The following ZNF778 variants were observed in gnomAD, a reference collection of about 807,000 sequenced individuals.
The protein encoded by ZNF778 is zinc finger protein 778.
ZNF778 carries 37 observed loss-of-function variants against 23.9 expected under a neutral mutation model. The ratio of observed to expected loss-of-function variants is 1.54; its 90% confidence interval spans 1.19 to 2.03. ZNF778 has a LOEUF of 2.03. Among genes scored for constraint, ZNF778 ranks in the 30% most tolerant of loss-of-function variants. ZNF778 has a pLI of 0.00. For missense variants in ZNF778, 1,297 were observed against 934.4 expected, an observed-to-expected ratio of 1.39 and a Z score of -5.06; for synonymous variants, 483 against 343.9, an observed-to-expected ratio of 1.40 and a Z score of -4.48.
rs1041887393 is a variant in ZNF778, at chr16:89,224,793, G to A, written c.319G>A (p.Val107Ile). ...EEELRAGRRA[V>I]LQEWRLKTKG... ...GGAGTTGAGGGCAGGGCGGAGAGCA[G>A]TTCTCCAAGGTAAGTGTGAAGAGCA... Residue 107 changes from valine (V) to isoleucine (I), a missense_variant, in exon 5 of 7, where the codon GTT becomes ATT. Coordinates refer to ENST00000433976, the MANE Select transcript of ZNF778 (RefSeq NM_001201407.2). 6 of 1,431,290 alleles carry A rather than the reference G, an allele frequency of 4.2e-6. No homozygotes were observed. The South Asian group carries it at 6.2e-5, about 15-fold the overall frequency. The allele number at this position is 1,431,290 out of a possible 1,614,324, so 88.7% of individuals were successfully genotyped here. A position where few individuals can be genotyped will look rare whatever the true frequency, so the allele number is the denominator to read the frequency against.
Position 89,234,436 on chromosome 16 carries a change from A to G in ZNF778, c.*5874A>G, listed in dbSNP as rs1567517643. The G allele has an allele frequency of 1.0e-5, 2 of 198,408 alleles. No homozygotes were observed. Among genetic ancestry groups the G allele is most frequent in the Admixed American group, 5.3e-5 (1 of 18,832 alleles). 12.3% of individuals were successfully genotyped at this position (198,408 alleles called of 1,614,324 possible). A position where few individuals can be genotyped will look rare whatever the true frequency, so the allele number is the denominator to read the frequency against. ...TCTCTTCATTACTGATAGTATGAAC[A>G]TGGTTTTGCTTACGCTGGCTATTTT... On this transcript the variant is annotated 3_prime_UTR_variant, in exon 7 of 7. Transcript: ENST00000433976.
At position 89,229,036 on chromosome 16, in the gene ZNF778, C is replaced by G. The variant is rs1005603880; in HGVS notation, c.*474C>G. ...CCTTGTGGGCTAACTTGAGACATGT[C>G]TTTCTGGGGGTTCTGTAGACGTATT... On this transcript the variant is annotated 3_prime_UTR_variant, in exon 7 of 7. Transcript: ENST00000433976. The G allele has an allele frequency of 1.0e-6, 1 of 991,460 alleles. No individual in the cohort carries two copies. Among genetic ancestry groups the G allele is most frequent in the Admixed American group, 5.8e-5 (1 of 17,176 alleles). 61.4% of individuals were successfully genotyped at this position (991,460 alleles called of 1,614,324 possible). A position where few individuals can be genotyped will look rare whatever the true frequency, so the allele number is the denominator to read the frequency against.
rs71395401 is a variant in ZNF778 at position 89,236,917 on chromosome 16, A to T, written c.*8355A>T. The T allele has an allele frequency of 0.1, 15,754 of 151,944 alleles. 1,094 individuals carry two copies. Among genetic ancestry groups the T allele is most frequent in the African/African-American group, 0.2 (8,163 of 41,390 alleles). The allele number at this position is 151,944 out of a possible 1,614,324, so 9.4% of individuals were successfully genotyped here. On this transcript the variant is annotated 3_prime_UTR_variant, in exon 7 of 7. Transcript: ENST00000433976. ...TGAAACCCCATCTCTACTAAGAAATACAAAAATTAGCTGTGTGTGGTTGGG... is the reference window on the plus strand; with the variant it reads ...TGAAACCCCATCTCTACTAAGAAATTCAAAAATTAGCTGTGTGTGGTTGGG...
chr16:89,230,969 G>C lies in ZNF778; in HGVS notation c.*2407G>C, dbSNP rs117047118. 1 of 148,758 alleles carries C rather than the reference G, an allele frequency of 6.7e-6. No homozygotes were observed. The highest frequency in any genetic ancestry group is 2.5e-5 in the African/African-American group (1 of 39,388). The allele number at this position is 148,758 out of a possible 1,614,324, so 9.2% of individuals were successfully genotyped here. The stretch of plus-strand genomic sequence containing the variant: ...TTTAAAATTCTGGATGGACAGACCC[G>C]TGCACCTTCCTGTCACATGTTTGAA... On this transcript the variant is annotated 3_prime_UTR_variant, in exon 7 of 7. Coordinates refer to ENST00000433976, the MANE Select transcript of ZNF778 (RefSeq NM_001201407.2).
chr16:89,234,889 C>T lies in ZNF778; in HGVS notation c.*6327C>T, dbSNP rs181244843. On this transcript the variant is annotated 3_prime_UTR_variant, in exon 7 of 7. Coordinates refer to ENST00000433976, the MANE Select transcript of ZNF778 (RefSeq NM_001201407.2). Reference sequence around the variant, plus strand: ...CGAGATCGCGCCACTGCACTCCAGCCTGGCAACAGAGTGAGACTCTGTCTC... The same window carrying T: ...CGAGATCGCGCCACTGCACTCCAGCTTGGCAACAGAGTGAGACTCTGTCTC... The T allele has an allele frequency of 6.6e-6, 1 of 152,126 alleles. No individual in the cohort carries two copies. The highest frequency in any genetic ancestry group is 6.5e-5 in the Admixed American group (1 of 15,274). 9.4% of individuals were successfully genotyped at this position (152,126 alleles called of 1,614,324 possible).
At chr16:89,223,768 T>G (rs935981381) in intron 4 of ZNF778, among the ~76,000 whole-genome samples, 7 of 152,210 alleles carry the variant, frequency 4.6e-5, no homozygotes, top group African/African-American at 1.4e-4. Flanking sequence ...GGATGGAGTA[T>G]TTGCACTTTG....
rs113596014 is a variant in ZNF778 at position 89,223,228 on chromosome 16, G to C, written c.189G>C (p.Gln63His). 1.2e-6 allele frequency: 2 copies of C among 1,614,120 alleles called. No homozygotes were observed. Among genetic ancestry groups the C allele is most frequent in the Non-Finnish European group, 8.5e-7 (1 of 1,180,004 alleles). ...QEEWTLLDPS[Q>H]RDLYRDVMLE... ...AATGGACTTTACTGGACCCATCTCA[G>C]AGAGACCTCTACAGAGATGTGATGC... Residue 63 changes from glutamine (Q) to histidine (H), a missense_variant, in exon 4 of 7, where the codon CAG (glutamine) becomes CAC (histidine). Coordinates refer to ENST00000433976, the MANE Select transcript of ZNF778 (RefSeq NM_001201407.2).
intron 5 of ZNF778, among the ~76,000 whole-genome samples, chr16:89,225,113 T>G (rs1370438171): frequency 4.6e-3 from 4 of 864 alleles, no homozygotes; most frequent in African/African-American, 6.4e-3. Context: ...GTTTGTGGGT[T>G]TTTTTTTTTT....
Position 89,233,597 on chromosome 16 carries a change from C to T in ZNF778, c.*5035C>T, listed in dbSNP as rs1567516328. 2.6e-6 allele frequency: 3 copies of T among 1,136,464 alleles called. No homozygotes were observed. The Admixed American group carries it at 8.0e-5, about 30-fold the overall frequency. The allele number at this position is 1,136,464 out of a possible 1,614,324, so 70.4% of individuals were successfully genotyped here. Reference sequence around the variant, plus strand: ...GCACTGCATATGCAACGCAACTCAACTCATACTGCATATGCAACTCAACTC... The same window carrying T: ...GCACTGCATATGCAACGCAACTCAATTCATACTGCATATGCAACTCAACTC... On this transcript the variant is annotated 3_prime_UTR_variant, in exon 7 of 7. Coordinates refer to ENST00000433976, the MANE Select transcript of ZNF778 (RefSeq NM_001201407.2).
At position 89,228,817 on chromosome 16, in the gene ZNF778, A is replaced by G. The variant is rs547821095; in HGVS notation, c.*255A>G. ...CTATTGATGTGTGATATGCAGCAGC[A>G]TTGTTGCTGTTCTGCTCAGTACTTT... On this transcript the variant is annotated 3_prime_UTR_variant, in exon 7 of 7. Coordinates refer to ENST00000433976, the MANE Select transcript of ZNF778 (RefSeq NM_001201407.2). 38 of 1,224,672 alleles carry G rather than the reference A, an allele frequency of 3.1e-5. No individual in the cohort carries two copies. The African/African-American group carries it at 5.1e-4, about 16-fold the overall frequency. The allele number at this position is 1,224,672 out of a possible 1,614,324, so 75.9% of individuals were successfully genotyped here. A position where few individuals can be genotyped will look rare whatever the true frequency, so the allele number is the denominator to read the frequency against.
In ZNF778 at chr16:89,227,968, C is replaced by A; in HGVS notation, c.1680C>A (p.Pro560=). ...TGAAAACTCACACAGAGGAGAAGCC[C>A]TTTATATGTACGGTATGCAGGAAAT... ...EHVKTHTEEK[P]FICTVCRKSF... Residue 560 remains proline (P), a synonymous_variant, in exon 7 of 7, where the codon CCC becomes CCA. Coordinates refer to ENST00000433976, the MANE Select transcript of ZNF778 (RefSeq NM_001201407.2). 6.3e-7 allele frequency: 1 copy of A among 1,589,862 alleles called. No individual in the cohort carries two copies. The highest frequency in any genetic ancestry group is 1.1e-5 in the South Asian group (1 of 88,166).
In ZNF778 at chr16:89,223,486, A is replaced by G. The variant is rs142961794; in HGVS notation, c.244+203A>G. Among the ~76,000 whole-genome samples, 50 of 152,306 alleles carry G rather than the reference A, an allele frequency of 3.3e-4. No homozygotes were observed. In the East Asian group the frequency reaches 6.6e-3, roughly 20 times the overall value. ...GCATCACCGTCACTCCTCTAGAAAC[A>G]TGCATTCTGAGGCTTCAGCTGGGAC... is the stretch of plus-strand genomic sequence containing the variant. On this transcript the variant is annotated intron_variant, in intron 4 of 6. Coordinates refer to ENST00000433976, the MANE Select transcript of ZNF778 (RefSeq NM_001201407.2).
At position 89,229,001 on chromosome 16, in the gene ZNF778, T is replaced by C; in HGVS notation, c.*439T>C. 1.0e-6 allele frequency: 1 copy of C among 994,966 alleles called. No individual in the cohort carries two copies. 61.6% of individuals were successfully genotyped at this position (994,966 alleles called of 1,614,324 possible). ...ATGGAAGATAGCAGTCGCTTCCCTG[T>C]GTTCTAAAACCTTGTGGGCTAACTT... is the stretch of plus-strand genomic sequence containing the variant. On this transcript the variant is annotated 3_prime_UTR_variant, in exon 7 of 7. Transcript: ENST00000433976.
chr16:89,223,904 G>T (rs1379414979), intron 4 of ZNF778, among the ~76,000 whole-genome samples: 2 of 152,130 alleles, frequency 1.3e-5, no homozygotes, highest in African/African-American at 4.8e-5. Context: ...TCCTGGCCGG[G>T]CGCGGTGGCT....
chr16:89,227,083 C>A lies in ZNF778; in HGVS notation c.795C>A (p.Ser265=), dbSNP rs772439423. The A allele has an allele frequency of 1.1e-5, 17 of 1,613,906 alleles. No individual in the cohort carries two copies. In the South Asian group the frequency reaches 1.6e-4, roughly 16 times the overall value. Residue 265 remains serine (S), a synonymous_variant, in exon 7 of 7, where the codon TCC becomes TCA. Coordinates refer to ENST00000433976, the MANE Select transcript of ZNF778 (RefSeq NM_001201407.2). Reference sequence around the variant, plus strand: ...CGTGTGGGAAAGCTCTAACTCACTCCATGGGCTGCGCCACACCTGTTGAAA... The same window carrying A: ...CGTGTGGGAAAGCTCTAACTCACTCAATGGGCTGCGCCACACCTGTTGAAA... ...WKPCGKALTH[S]MGCATPVEMH...
chr16:89,218,654 G>A (rs1787622760), intron 1 of ZNF778, among the ~76,000 whole-genome samples: 1 of 152,112 alleles, frequency 6.6e-6, no homozygotes. Flanking sequence ...AGCCGGGCGT[G>A]GTGGCGGGCT....
intron 3 of ZNF778, 138 bp from the exon 4 acceptor site, chr16:89,223,019 G>A: frequency 9.5e-7 from 1 of 1,052,182 alleles, no homozygotes; most frequent in South Asian, 1.8e-5. Context: ...GCAGAGAAGG[G>A]TTCCTGGGAC....
Position 89,230,934 on chromosome 16 carries a change from A to G in ZNF778, c.*2372A>G, listed in dbSNP as rs150401508. On this transcript the variant is annotated 3_prime_UTR_variant, in exon 7 of 7. Coordinates refer to ENST00000433976, the MANE Select transcript of ZNF778 (RefSeq NM_001201407.2). ...TGGATGGACAGACCCATGCACCTTC[A>G]TGTTACGTGTTTAAAATTCTGGATG... The G allele has an allele frequency of 6.6e-6, 1 of 152,192 alleles. No individual in the cohort carries two copies. The highest frequency in any genetic ancestry group is 1.9e-4 in the East Asian group (1 of 5,170). 9.4% of individuals were successfully genotyped at this position (152,192 alleles called of 1,614,324 possible).
At position 89,235,763 on chromosome 16, in the gene ZNF778, C is replaced by T. The variant is rs1307272290; in HGVS notation, c.*7201C>T. The stretch of plus-strand genomic sequence containing the variant: ...AAGGAGAAAGTGTGATGTAGTAAAA[C>T]CACTTGAAAAAATAATGATGAAACA... On this transcript the variant is annotated 3_prime_UTR_variant, in exon 7 of 7. Transcript: ENST00000433976. 1 of 152,028 alleles carries T rather than the reference C, an allele frequency of 6.6e-6. No homozygotes were observed. The highest frequency in any genetic ancestry group is 1.5e-5 in the Non-Finnish European group (1 of 68,014). The allele number at this position is 152,028 out of a possible 1,614,324, so 9.4% of individuals were successfully genotyped here.
Sources: allele counts gnomAD v4.1 joint callset (sites outside exome capture counted in the v4.1 genomes callset), GRCh38; gene constraint gnomAD v4.1.1; transcripts MANE v1.5; gene names NCBI Gene and HGNC (gene_info 2026-07-23, HGNC 2026-07-21).